FAF1: variants seen among roughly 807,000 people sequenced by gnomAD.
FAF1 encodes Fas associated factor 1.
Under a neutral mutation model 92.5 loss-of-function variants are expected in FAF1, and 25 were observed. That is an observed-to-expected ratio of 0.27 (90% CI 0.20 to 0.38). The LOEUF is 0.38. Among genes scored for constraint, FAF1 ranks in the 10% least tolerant of loss-of-function variants. The probability of loss-of-function intolerance (pLI) is 1.00; values close to 1 mark genes in which losing one functional copy is unlikely to be tolerated. For synonymous variants in FAF1, 234 were observed against 273.2 expected, an observed-to-expected ratio of 0.86 and a Z score of 1.42; for missense variants, 636 against 793.3, an observed-to-expected ratio of 0.80 and a Z score of 2.38.
intron 2 of FAF1, among the ~76,000 whole-genome samples, chr1:50,847,578 AC>A (rs1644312861): frequency 6.6e-6 from 1 of 152,172 alleles, no homozygotes; most frequent in South Asian, 2.1e-4. Flanking sequence ...ACTGAAAAGA[AC>A]AAACAAAAGC....
intron 13 of FAF1, among the ~76,000 whole-genome samples, chr1:50,558,880 AG>A (rs1480206169): frequency 6.6e-6 from 1 of 152,226 alleles, no homozygotes; most frequent in Non-Finnish European, 1.5e-5. Flanking sequence ...GTAGGAGTGT[AG>A]GAAGTATCCA....
At position 50,535,395 on chromosome 1, in the gene FAF1, G is replaced by C. The variant is rs1648421268; in HGVS notation, c.1468C>G (p.Gln490Glu). ...LMAAMEIFTA[Q>E]QQEDIKDEDE... ...TCGTCCTTTATATCTTCCTGTTGTT[G>C]GGCTGTGAAGATCTCCATTGCAGCC... is the stretch of plus-strand genomic sequence containing the variant. Residue 490 changes from glutamine (Q) to glutamate (E), a missense_variant, in exon 15 of 19, where the codon CAA becomes GAA. This residue lies in a region of FAF1 where 319 missense variants were observed against 451.0 expected (regional missense o/e 0.71). Coordinates refer to ENST00000396153, the MANE Select transcript of FAF1 (RefSeq NM_007051.3). The C allele has an allele frequency of 6.2e-7, 1 of 1,610,822 alleles. No homozygotes were observed. The highest frequency in any genetic ancestry group is 8.5e-7 in the Non-Finnish European group (1 of 1,177,642).
chr1:50,690,150 C>A (rs930753682), intron 7 of FAF1, among the ~76,000 whole-genome samples: 4 of 151,902 alleles, frequency 2.6e-5, no homozygotes, highest in Non-Finnish European at 5.9e-5. Context: ...CACATGTCAC[C>A]ATGCCCGGCT....
chr1:50,794,789 ATTTTTTT>A (rs59806816), intron 3 of FAF1, among the ~76,000 whole-genome samples: 5 of 123,494 alleles, frequency 4.0e-5, no homozygotes, highest in African/African-American at 1.5e-4. Context: ...TCACCCAGCT[ATTTTTTT>A]TTTTTTTTTT....
At chr1:50,876,048 C>T (rs1420490995) in intron 1 of FAF1, among the ~76,000 whole-genome samples, 3 of 152,138 alleles carry the variant, frequency 2.0e-5, no homozygotes, top group Non-Finnish European at 4.4e-5. Context: ...GTAAACAATA[C>T]TATAGTAGGA....
At chr1:50,599,433 T>TA (rs1252931876) in intron 8 of FAF1, among the ~76,000 whole-genome samples, 20 of 152,144 alleles carry the variant, frequency 1.3e-4, no homozygotes, top group Admixed American at 5.9e-4. Context: ...ATACTGATGT[T>TA]AAAAAAAGCA....
chr1:50,711,340 T>C (rs1657918873), intron 6 of FAF1, among the ~76,000 whole-genome samples: 1 of 152,252 alleles, frequency 6.6e-6, no homozygotes, highest in African/African-American at 2.4e-5. Context: ...GGATCTACAG[T>C]GCTTTTGTAG....
chr1:50,816,005 C>T (rs1310557860), intron 2 of FAF1, among the ~76,000 whole-genome samples: 3 of 143,516 alleles, frequency 2.1e-5, no homozygotes, highest in Admixed American at 7.1e-5. Flanking sequence ...CCAGCCTAGG[C>T]GATAGAGTGA....
chr1:50,918,266 T>G, intron 1 of FAF1, among the ~76,000 whole-genome samples: 1 of 135,526 alleles, frequency 7.4e-6, no homozygotes, highest in Non-Finnish European at 1.6e-5. Context: ...TATGTATACA[T>G]GTGCCATGCT....
At chr1:50,893,344 T>C (rs951532113) in intron 1 of FAF1, among the ~76,000 whole-genome samples, 4 of 152,198 alleles carry the variant, frequency 2.6e-5, no homozygotes, top group African/African-American at 9.7e-5. Flanking sequence ...ACTTTCCAGG[T>C]ATTGGAAAGA....
rs1189043536 is a variant in FAF1 at position 50,560,705 on chromosome 1, A to T, written c.1268+6372T>A. Among the ~76,000 whole-genome samples, 3 of 152,356 alleles carry T rather than the reference A, an allele frequency of 2.0e-5. No homozygotes were observed. The East Asian group carries it at 5.8e-4, about 29-fold the overall frequency. Reference sequence around the variant, plus strand: ...CTGATTACCCAGTTGGCACTATTCCAGTCAAATTCAATGTTTGATTCTAAG... The same window carrying T: ...CTGATTACCCAGTTGGCACTATTCCTGTCAAATTCAATGTTTGATTCTAAG... On this transcript the variant is annotated intron_variant, in intron 13 of 18. Transcript: ENST00000396153.
chr1:50,894,804 A>G (rs1009696595), intron 1 of FAF1, among the ~76,000 whole-genome samples: 1 of 152,172 alleles, frequency 6.6e-6, no homozygotes, highest in African/African-American at 2.4e-5. Context: ...AGAACTTGAA[A>G]AACTAACTGA....
intron 3 of FAF1, among the ~76,000 whole-genome samples, chr1:50,791,079 A>C (rs1661546914): frequency 6.6e-6 from 1 of 152,234 alleles, no homozygotes; most frequent in Non-Finnish European, 1.5e-5. Context: ...CAGATACTCC[A>C]GTAATCACTG....
At chr1:50,447,463 TTCCA>T (rs1646243167) in intron 18 of FAF1, among the ~76,000 whole-genome samples, 1 of 152,164 alleles carries the variant, frequency 6.6e-6, no homozygotes. Context: ...TTTGAGAAAG[TTCCA>T]GCATCTTAAA....
intron 8 of FAF1, among the ~76,000 whole-genome samples, chr1:50,621,486 G>A (rs1386142437): frequency 7.5e-6 from 1 of 133,172 alleles, no homozygotes; most frequent in African/African-American, 2.9e-5. Context: ...TGCAACCTTC[G>A]CCTCTGGGGC....
chr1:50,544,541 C>T (rs996481604), intron 13 of FAF1, among the ~76,000 whole-genome samples: 1 of 152,154 alleles, frequency 6.6e-6, no homozygotes, highest in Non-Finnish European at 1.5e-5. Flanking sequence ...GAAGGCAGTT[C>T]TTAAAAGAAA....
At chr1:50,713,753 GC>G (rs1658049842) in intron 6 of FAF1, among the ~76,000 whole-genome samples, 1 of 150,524 alleles carries the variant, frequency 6.6e-6, no homozygotes, top group African/African-American at 2.4e-5. Flanking sequence ...GTAAGTCACT[GC>G]GCCTGGCAAA....
At position 50,780,605 on chromosome 1, in the gene FAF1, G is replaced by GT. The variant is rs781348633; in HGVS notation, c.367+7394dup. The GT allele has an allele frequency of 1.0e-3, 202 of 199,152 alleles. 4 individuals carry two copies. Among genetic ancestry groups the GT allele is most frequent in the Non-Finnish European group, 2.7e-4 (26 of 96,380 alleles). The allele number at this position is 199,152 out of a possible 1,614,324, so 12.3% of individuals were successfully genotyped here. A position where few individuals can be genotyped will look rare whatever the true frequency, so the allele number is the denominator to read the frequency against. On this transcript the variant is annotated intron_variant, in intron 4 of 18. Transcript: ENST00000396153. ...TAGCAAAAATTTACAGAATGTCAGT[G>GT]TAACTGCACATCCTCTTCCAGCCTG...
At chr1:50,480,312 A>T (rs1646685763) in intron 17 of FAF1, among the ~76,000 whole-genome samples, 1 of 152,220 alleles carries the variant, frequency 6.6e-6, no homozygotes, top group Non-Finnish European at 1.5e-5. Context: ...CACTTACAAC[A>T]GTCTCTTACA....
Sources: allele counts gnomAD v4.1 joint callset (sites outside exome capture counted in the v4.1 genomes callset), GRCh38; gene constraint gnomAD v4.1.1; regional missense constraint gnomAD v4.1.1; transcripts MANE v1.5; gene names NCBI Gene and HGNC (gene_info 2026-07-23, HGNC 2026-07-21).